The following SV2C variants were observed in gnomAD, a reference collection of about 807,000 sequenced individuals.
SV2C encodes the protein synaptic vesicle glycoprotein 2C, also known as solute carrier family 22 member B3.
A neutral mutation model predicts 79.7 loss-of-function variants in SV2C; 49 were observed. The ratio of observed to expected loss-of-function variants is 0.61; its 90% CI spans 0.49 to 0.78. SV2C has a LOEUF of 0.78. SV2C is among the 30% of genes least tolerant of loss of function. SV2C has a pLI of 0.00. For synonymous variants in SV2C, 334 were observed against 333.2 expected, an observed-to-expected ratio of 1.00 and a Z score of -0.03; for missense variants, 833 against 912.9, an observed-to-expected ratio of 0.91 and a Z score of 1.13.
chr5:76,125,730 A>C (rs1480232142), intron 1 of SV2C, among the ~76,000 whole-genome samples: 1 of 152,196 alleles, frequency 6.6e-6, no homozygotes, highest in East Asian at 1.9e-4. Flanking sequence ...GGAGGAACTA[A>C]GAGTTGACCC....
chr5:75,850,126 T>C, the SV2C span, among the ~76,000 whole-genome samples: 2 of 152,200 alleles, frequency 1.3e-5, no homozygotes, highest in African/African-American at 2.4e-5. Context: ...ATATAAGGAA[T>C]GTCCTACATA....
the SV2C span, among the ~76,000 whole-genome samples, chr5:76,059,368 G>T: frequency 6.6e-6 from 1 of 152,052 alleles, no homozygotes; most frequent in Non-Finnish European, 1.5e-5. Context: ...CAAAACTGAG[G>T]CAAATTCTCT....
At chr5:76,318,158 G>T (rs1400560148) in intron 12 of SV2C, among the ~76,000 whole-genome samples, 3 of 152,174 alleles carry the variant, frequency 2.0e-5, no homozygotes, top group Non-Finnish European at 4.4e-5. Context: ...AGTGGCTCAT[G>T]CCGGTAATCC....
At chr5:76,056,398 A>T in the SV2C span, among the ~76,000 whole-genome samples, 1 of 152,058 alleles carries the variant, frequency 6.6e-6, no homozygotes, top group Admixed American at 6.6e-5. Flanking sequence ...ATTTGTCAGT[A>T]TTTTATTGAG....
At chr5:76,019,413 TA>T in the SV2C span, among the ~76,000 whole-genome samples, 4 of 151,858 alleles carry the variant, frequency 2.6e-5, no homozygotes, top group African/African-American at 9.7e-5. Context: ...AGAAGAGGAG[TA>T]AAAGAAAGAC....
At chr5:76,119,809 T>G (rs950298018) in intron 1 of SV2C, among the ~76,000 whole-genome samples, 1 of 152,202 alleles carries the variant, frequency 6.6e-6, no homozygotes, top group Admixed American at 6.5e-5. Context: ...ATTGAAGAGC[T>G]GTTCTGAATT....
chr5:76,071,953 A>G, the SV2C span, among the ~76,000 whole-genome samples: 1 of 152,220 alleles, frequency 6.6e-6, no homozygotes, highest in Non-Finnish European at 1.5e-5. Flanking sequence ...TTCAGAGTTG[A>G]GCTATAAATC....
the SV2C span, among the ~76,000 whole-genome samples, chr5:76,043,665 T>G: frequency 6.6e-6 from 1 of 152,230 alleles, no homozygotes; most frequent in Non-Finnish European, 1.5e-5. Flanking sequence ...AAACTTTATT[T>G]TAGTGAAGCC....
At chr5:76,023,082 G>A in the SV2C span, among the ~76,000 whole-genome samples, 1 of 152,136 alleles carries the variant, frequency 6.6e-6, no homozygotes, top group African/African-American at 2.4e-5. Flanking sequence ...TTTTTTAAAG[G>A]CTGATTCACA....
intron 2 of SV2C, among the ~76,000 whole-genome samples, chr5:76,175,649 AATT>A (rs1743502958): frequency 6.6e-6 from 1 of 152,178 alleles, no homozygotes; most frequent in African/African-American, 2.4e-5. Context: ...ACCTTAGAAA[AATT>A]ATCATCTACA....
the SV2C span, chr5:76,076,044 T>C: frequency 6.5e-6 from 1 of 152,928 alleles, no homozygotes; most frequent in South Asian, 2.1e-4. Context: ...AATGCATCTA[T>C]GTAGGAGTTA....
chr5:76,205,524 A>G (rs761192478), intron 3 of SV2C, among the ~76,000 whole-genome samples: 33 of 152,192 alleles, frequency 2.2e-4, no homozygotes, highest in Non-Finnish European at 4.6e-4. Context: ...AAAATTCTTT[A>G]TAAGCCACTC....
chr5:76,124,325 G>T (rs1748631230), intron 1 of SV2C, among the ~76,000 whole-genome samples: 1 of 152,078 alleles, frequency 6.6e-6, no homozygotes, highest in African/African-American at 2.4e-5. Flanking sequence ...CTATTATTTT[G>T]ACTGGTCTAA....
chr5:75,911,049 C>T, the SV2C span: 1 of 1,168,908 alleles, frequency 8.6e-7, no homozygotes, highest in Non-Finnish European at 1.3e-6. Context: ...GAGAGTGAAT[C>T]TGTCGCAACA....
At chr5:75,899,304 T>C in the SV2C span, among the ~76,000 whole-genome samples, 9 of 152,364 alleles carry the variant, frequency 5.9e-5, no homozygotes, top group African/African-American at 1.9e-4. Flanking sequence ...ACATCTTTAT[T>C]TCTGCCTTCA....
intron 2 of SV2C, 55 bp downstream of exon 2, chr5:76,132,385 C>T: frequency 2.7e-6 from 4 of 1,467,878 alleles, no homozygotes; most frequent in Non-Finnish European, 3.7e-6. Context: ...TTGTTAAGCA[C>T]AGTTATCAAC....
intron 12 of SV2C, among the ~76,000 whole-genome samples, chr5:76,317,442 A>AACACACACACACATACAC (rs1748664027): frequency 6.8e-6 from 1 of 147,168 alleles, no homozygotes; most frequent in Admixed American, 6.7e-5. Context: ...CACCCCCCCC[A>AACACACACACACATACAC]ACACACACAC....
chr5:76,046,076 A>G, the SV2C span, among the ~76,000 whole-genome samples: 1 of 152,186 alleles, frequency 6.6e-6, no homozygotes, highest in African/African-American at 2.4e-5. Flanking sequence ...AGCTTAATGT[A>G]TGAGAGTTAT....
chr5:76,105,872 ATCCGGG>A (rs1561217236), intron 1 of SV2C, among the ~76,000 whole-genome samples: 4 of 151,802 alleles, frequency 2.6e-5, no homozygotes, highest in African/African-American at 9.7e-5. Context: ...CTTTCCTGTG[ATCCGGG>A]GAGCAATCTT....
Sources: allele counts gnomAD v4.1 joint callset (sites outside exome capture counted in the v4.1 genomes callset), GRCh38; gene constraint gnomAD v4.1.1; transcripts MANE v1.5; gene names NCBI Gene and HGNC (gene_info 2026-07-23, HGNC 2026-07-21).